Variants in SUCLG2 observed in about 807,000 individuals in gnomAD.
SUCLG2 encodes succinate-CoA ligase GDP-forming subunit beta.
A neutral mutation model predicts 47.9 loss-of-function variants in SUCLG2; 42 were observed. That is an observed-to-expected ratio of 0.88 (90% CI 0.69 to 1.14). The LOEUF is 1.14. Among genes scored for constraint, SUCLG2 ranks in the 50% most tolerant of loss-of-function variants. The pLI, the probability that SUCLG2 is intolerant of heterozygous loss-of-function variation, is 0.00. For synonymous variants in SUCLG2, 195 were observed against 197.3 expected (o/e 0.99, Z 0.10); for missense variants, 571 against 525.9 (o/e 1.09, Z -0.84).
chr3:67,644,302 TAAGG>T (rs1055258378), intron 1 of SUCLG2, among the ~76,000 whole-genome samples: 3 of 152,014 alleles, frequency 2.0e-5, no homozygotes, highest in African/African-American at 7.2e-5. Context: ...TTCAGCCTAA[TAAGG>T]AAGGAAATTT....
In SUCLG2 at chr3:67,380,615, G is replaced by A. The variant is rs960987654; in HGVS notation, c.1184-4756C>T. Among the ~76,000 whole-genome samples, 3 of 152,110 alleles carry A rather than the reference G, an allele frequency of 2.0e-5. No individual in the cohort carries two copies. The East Asian group carries it at 5.8e-4, about 29-fold the overall frequency. ...TCATATTCAAATATGAAGCTCATCT[G>A]TTATGAGAAATGGGTCATATGCAGA... On this transcript the variant is annotated intron_variant, in intron 10 of 10. Coordinates refer to ENST00000307227, the MANE Select transcript of SUCLG2 (RefSeq NM_003848.4).
chr3:67,575,001 A>G (rs1164685949), intron 2 of SUCLG2, among the ~76,000 whole-genome samples: 1 of 152,214 alleles, frequency 6.6e-6, no homozygotes, highest in Non-Finnish European at 1.5e-5. Flanking sequence ...ACCACAGTGA[A>G]ATATCACTCT....
intron 9 of SUCLG2, among the ~76,000 whole-genome samples, chr3:67,430,019 C>T (rs147956205): frequency 0.019 from 2,871 of 152,220 alleles, 87 homozygotes; most frequent in African/African-American, 0.065. Context: ...TAACACCCCA[C>T]TATCAACATT....
At chr3:67,521,553 T>C (rs1361974175) in intron 4 of SUCLG2, among the ~76,000 whole-genome samples, 9 of 151,108 alleles carry the variant, frequency 6.0e-5, no homozygotes, top group Non-Finnish European at 1.2e-4. Flanking sequence ...GGAATAATCC[T>C]ACATGTGGAA....
intron 2 of SUCLG2, among the ~76,000 whole-genome samples, chr3:67,597,846 G>A (rs915765482): frequency 9.2e-5 from 14 of 152,074 alleles, no homozygotes; most frequent in African/African-American, 3.4e-4. Context: ...GCTGAGGGAG[G>A]AGAATCGCTT....
In SUCLG2 at chr3:67,511,850, G is replaced by T. The variant is rs907154017; in HGVS notation, c.661-2947C>A. Among the ~76,000 whole-genome samples the T allele has an allele frequency of 8.0e-5, 12 of 150,038 alleles. 1 individual carries two copies. The highest frequency in any genetic ancestry group is 2.8e-4 in the African/African-American group (11 of 39,998). Reference sequence around the variant, plus strand: ...GGAAGAGTGTGAGTGTGCGTGTGTGGGGGGGTGTGTGTGTGTGTACAAGAG... The same window carrying T: ...GGAAGAGTGTGAGTGTGCGTGTGTGTGGGGGTGTGTGTGTGTGTACAAGAG... On this transcript the variant is annotated intron_variant, in intron 6 of 10. Coordinates refer to ENST00000307227, the MANE Select transcript of SUCLG2 (RefSeq NM_003848.4).
intron 9 of SUCLG2, among the ~76,000 whole-genome samples, chr3:67,479,847 C>T (rs1201165835): frequency 6.6e-6 from 1 of 152,100 alleles, no homozygotes; most frequent in Non-Finnish European, 1.5e-5. Flanking sequence ...AAATAAAAGT[C>T]CTCCATGAGG....
chr3:67,423,157 G>C (rs1703212881), intron 9 of SUCLG2, among the ~76,000 whole-genome samples: 1 of 152,070 alleles, frequency 6.6e-6, no homozygotes, highest in Non-Finnish European at 1.5e-5. Flanking sequence ...TGGATCATGG[G>C]GGCGGTTCCC....
intron 2 of SUCLG2, among the ~76,000 whole-genome samples, chr3:67,551,264 G>A (rs1448598938): frequency 6.6e-6 from 1 of 152,184 alleles, no homozygotes; most frequent in African/African-American, 2.4e-5. Context: ...ATGGACTAAT[G>A]CTTTTATGTG....
At chr3:67,575,317 C>T (rs1559578987) in intron 2 of SUCLG2, among the ~76,000 whole-genome samples, 1 of 152,176 alleles carries the variant, frequency 6.6e-6, no homozygotes, top group Admixed American at 6.5e-5. Context: ...AACTGGTGAA[C>T]AGATTATCCA....
intron 9 of SUCLG2, among the ~76,000 whole-genome samples, chr3:67,445,878 A>G (rs1703915380): frequency 1.6e-5 from 1 of 61,550 alleles, no homozygotes; most frequent in Non-Finnish European, 3.5e-5. Context: ...ATTTCTTAGT[A>G]TAGCAGACTA....
At chr3:67,538,433 C>T (rs747226622) in intron 2 of SUCLG2, among the ~76,000 whole-genome samples, 48 of 152,172 alleles carry the variant, frequency 3.2e-4, no homozygotes, top group Admixed American at 9.2e-4. Flanking sequence ...TGTTTTCGTA[C>T]CAGTACCATG....
intron 2 of SUCLG2, among the ~76,000 whole-genome samples, chr3:67,604,612 T>C (rs1434548722): frequency 1.3e-5 from 2 of 151,726 alleles, no homozygotes; most frequent in South Asian, 2.1e-4. Context: ...GAGACATTAA[T>C]GATGCAGAGC....
chr3:67,647,547 A>C (rs934080430), intron 1 of SUCLG2, among the ~76,000 whole-genome samples: 1 of 152,268 alleles, frequency 6.6e-6, no homozygotes, highest in African/African-American at 2.4e-5. Flanking sequence ...AGTCATGTCC[A>C]GTTGGCCGTT....
intron 2 of SUCLG2, among the ~76,000 whole-genome samples, chr3:67,540,150 G>C (rs1429907007): frequency 6.6e-6 from 1 of 151,276 alleles, no homozygotes; most frequent in African/African-American, 2.4e-5. Context: ...TGTGATGTTA[G>C]GGTGTCGATT....
chr3:67,616,799 C>T lies in SUCLG2; in HGVS notation c.85-7203G>A, dbSNP rs1190700363. ...AAGCCGCATTTTCTGTTATACAGAA[C>T]TACCACCTCTAATATAAACTCCTGC... is the stretch of plus-strand genomic sequence containing the variant. On this transcript the variant is annotated intron_variant, in intron 1 of 10. Coordinates refer to ENST00000307227, the MANE Select transcript of SUCLG2 (RefSeq NM_003848.4). Among the ~76,000 whole-genome samples the T allele has an allele frequency of 3.3e-5, 5 of 152,222 alleles. No individual in the cohort carries two copies. The East Asian group carries it at 9.6e-4, about 29-fold the overall frequency.
At chr3:67,578,416 C>A (rs1425464402) in intron 2 of SUCLG2, among the ~76,000 whole-genome samples, 2 of 151,686 alleles carry the variant, frequency 1.3e-5, no homozygotes, top group African/African-American at 2.4e-5. Flanking sequence ...AGTACTTAGA[C>A]AAAATAATTA....
At chr3:67,602,554 T>C (rs1708442832) in intron 2 of SUCLG2, among the ~76,000 whole-genome samples, 1 of 152,052 alleles carries the variant, frequency 6.6e-6, no homozygotes, top group African/African-American at 2.4e-5. Flanking sequence ...ATTTGCAGAC[T>C]TAGGAAGAAG....
At chr3:67,467,822 G>A (rs978591437) in intron 9 of SUCLG2, among the ~76,000 whole-genome samples, 1 of 152,066 alleles carries the variant, frequency 6.6e-6, no homozygotes, top group Non-Finnish European at 1.5e-5. Flanking sequence ...AGACTTAGAG[G>A]AGTTAACTCA....
Sources: gnomAD v4.1 joint callset for allele counts (sites outside exome capture counted in the v4.1 genomes callset) on GRCh38, gnomAD v4.1.1 for gene constraint, MANE v1.5 for transcripts, NCBI Gene and HGNC (gene_info 2026-07-23, HGNC 2026-07-21) for gene names.